The following CD1B variants were observed in gnomAD, a reference collection of about 807,000 sequenced individuals.
CD1B encodes T-cell surface glycoprotein CD1b.
Under a neutral mutation model 39.8 loss-of-function variants are expected in CD1B, and 43 were observed. The observed-to-expected ratio is 1.08, with a 90% CI of 0.85 to 1.39. CD1B has a LOEUF of 1.39. CD1B is among the 40% of genes most tolerant of loss of function. CD1B has a pLI of 0.00. For missense variants in CD1B, 495 were observed against 403.8 expected, an observed-to-expected ratio of 1.23 and a Z score of -1.94; for synonymous variants, 192 against 152.5, an observed-to-expected ratio of 1.26 and a Z score of -1.91.
At chr1:158,323,770 A>T (rs1652264751), downstream of CD1B, among the ~76,000 whole-genome samples, 1 of 151,990 alleles carries the variant, frequency 6.6e-6, no homozygotes, top group Admixed American at 6.6e-5. Context: ...TGGAGCCCTT[A>T]TGTAGAAGGA....
At chr1:158,305,304 G>A in the CD1B span, among the ~76,000 whole-genome samples, 4 of 152,182 alleles carry the variant, frequency 2.6e-5, no homozygotes, top group Non-Finnish European at 5.9e-5. Context: ...AGCCTCAGTA[G>A]CCGATGGGAT....
chr1:158,290,041 GAGAA>G, the CD1B span: 1 of 1,612,224 alleles, frequency 6.2e-7, no homozygotes, highest in Non-Finnish European at 8.5e-7. Context: ...GCTTTTCTGA[GAGAA>G]AGAAACATCT....
the CD1B span, among the ~76,000 whole-genome samples, chr1:158,320,293 T>G: frequency 3.3e-5 from 5 of 152,326 alleles, no homozygotes; most frequent in South Asian, 4.1e-4. Context: ...CAGACTGCGG[T>G]GCTAGCAATC....
the CD1B span, chr1:158,291,479 C>T: frequency 1.4e-6 from 2 of 1,423,370 alleles, no homozygotes; most frequent in Non-Finnish European, 2.0e-6. Flanking sequence ...ATTTTTGGGC[C>T]ATTTCCCATT....
At chr1:158,316,331 A>C in the CD1B span, among the ~76,000 whole-genome samples, 10 of 151,804 alleles carry the variant, frequency 6.6e-5, no homozygotes, top group East Asian at 3.9e-4. Context: ...CTTTTATTTC[A>C]TTGAGCAGTG....
At chr1:158,293,680 C>T in the CD1B span, 2 of 1,241,044 alleles carry the variant, frequency 1.6e-6, no homozygotes, top group Non-Finnish European at 1.1e-6. Flanking sequence ...CCTTCAAAGC[C>T]CATTTCTGAT....
At chr1:158,290,636 G>T in the CD1B span, among the ~76,000 whole-genome samples, 1 of 152,154 alleles carries the variant, frequency 6.6e-6, no homozygotes, top group South Asian at 2.1e-4. Flanking sequence ...GATTGTCTTA[G>T]TTGCTGTCAG....
At chr1:158,292,028 A>G in the CD1B span, 8 of 1,533,184 alleles carry the variant, frequency 5.2e-6, no homozygotes, top group Non-Finnish European at 7.0e-6. Context: ...AGGTTTTTAT[A>G]CTGTTGTTTT....
the CD1B span, among the ~76,000 whole-genome samples, chr1:158,304,983 G>A: frequency 6.6e-6 from 1 of 152,056 alleles, no homozygotes; most frequent in Admixed American, 6.6e-5. Context: ...CACAAAGATG[G>A]GGAAAAAACA....
the CD1B span, chr1:158,291,297 C>T: frequency 2.5e-6 from 4 of 1,614,154 alleles, no homozygotes; most frequent in Non-Finnish European, 3.4e-6. Flanking sequence ...CCAAGGGCAA[C>T]TTCAGCAATG....
chr1:158,326,610 T>C (rs1245196451), downstream of CD1B, among the ~76,000 whole-genome samples: 3 of 152,144 alleles, frequency 2.0e-5, no homozygotes, highest in African/African-American at 7.2e-5. Flanking sequence ...GATGTCATAA[T>C]GTAATTTCGG....
the CD1B span, among the ~76,000 whole-genome samples, chr1:158,318,652 A>G: frequency 6.6e-6 from 1 of 152,276 alleles, no homozygotes; most frequent in South Asian, 2.1e-4. Flanking sequence ...TGGAGCATTT[A>G]GTCCATTTAC....
At chr1:158,318,825 C>T in the CD1B span, among the ~76,000 whole-genome samples, 49 of 152,190 alleles carry the variant, frequency 3.2e-4, no homozygotes, top group Admixed American at 5.2e-4. Flanking sequence ...CCATGTTTAG[C>T]GCTTCCTTCA....
intron 3 of CD1B, 54 bp downstream of exon 3, chr1:158,329,798 C>T: frequency 1.9e-6 from 3 of 1,578,600 alleles, no homozygotes; most frequent in East Asian, 2.2e-5. Context: ...TTGATATCTT[C>T]CTACTCTTGA....
the CD1B span, among the ~76,000 whole-genome samples, chr1:158,301,935 AT>A: frequency 0.012 from 1,859 of 151,876 alleles, 37 homozygotes; most frequent in African/African-American, 0.04. Flanking sequence ...TCAAACATAG[AT>A]TTTTTTCTTT....
At chr1:158,293,146 C>A in the CD1B span, 6 of 1,252,368 alleles carry the variant, frequency 4.8e-6, no homozygotes, top group South Asian at 1.3e-5. Context: ...GTAAGGAAAT[C>A]AATAGATGGA....
At chr1:158,307,822 A>ATCTCATAAATTT in the CD1B span, among the ~76,000 whole-genome samples, 1 of 152,174 alleles carries the variant, frequency 6.6e-6, no homozygotes, top group South Asian at 2.1e-4. Context: ...TTAGGTATTG[A>ATCTCATAAATTT]TGGGATGTAT....
the CD1B span, chr1:158,293,108 G>T: frequency 1.0e-6 from 1 of 982,020 alleles, no homozygotes; most frequent in Non-Finnish European, 1.6e-6. Flanking sequence ...TAGGATAACT[G>T]ATGCAACTCA....
At chr1:158,312,845 C>T in the CD1B span, among the ~76,000 whole-genome samples, 1,875 of 152,222 alleles carry the variant, frequency 0.012, 38 homozygotes, top group African/African-American at 0.04. Flanking sequence ...GTATTTCTTT[C>T]TCTTGCCTAA....
Sources: allele counts gnomAD v4.1 joint callset (sites outside exome capture counted in the v4.1 genomes callset), GRCh38; gene constraint gnomAD v4.1.1; transcripts MANE v1.5; gene names NCBI Gene and HGNC (gene_info 2026-07-23, HGNC 2026-07-21).